The following PLEKHM3 variants were observed in gnomAD, a reference collection of about 807,000 sequenced individuals.
PLEKHM3 encodes the protein pleckstrin homology domain containing M3, also known as pleckstrin homology domain-containing family M member 3.
PLEKHM3 carries 45 observed loss-of-function variants against 81.8 expected under a neutral mutation model. The observed-to-expected ratio is 0.55, with a 90% CI of 0.43 to 0.71. PLEKHM3 has a LOEUF of 0.71. Among genes scored for constraint, PLEKHM3 ranks in the 30% least tolerant of loss-of-function variants. PLEKHM3 has a pLI of 0.00. For synonymous variants in PLEKHM3, 352 were observed against 356.4 expected (o/e 0.99, Z 0.14); for missense variants, 788 against 924.3 (o/e 0.85, Z 1.91).
chr2:207,838,454 G>T (rs1226917912), intron 7 of PLEKHM3, among the ~76,000 whole-genome samples: 1 of 152,210 alleles, frequency 6.6e-6, no homozygotes, highest in African/African-American at 2.4e-5. Context: ...CTTTAAAATA[G>T]AATGTAAATA....
At chr2:207,893,504 T>C (rs1688128067) in intron 6 of PLEKHM3, among the ~76,000 whole-genome samples, 1 of 152,220 alleles carries the variant, frequency 6.6e-6, no homozygotes, top group Non-Finnish European at 1.5e-5. Context: ...AGTTGGGTTT[T>C]TTAACCATAA....
chr2:207,950,468 G>A (rs535413673), intron 3 of PLEKHM3, among the ~76,000 whole-genome samples: 4 of 152,318 alleles, frequency 2.6e-5, no homozygotes, highest in South Asian at 4.1e-4. Context: ...TTCTGCAGAC[G>A]TTTGTGAGAA....
intron 6 of PLEKHM3, among the ~76,000 whole-genome samples, chr2:207,872,445 G>A (rs192615237): frequency 6.6e-6 from 1 of 152,200 alleles, no homozygotes; most frequent in Non-Finnish European, 1.5e-5. Context: ...TTCTGAATAT[G>A]AAGATGATCT....
Position 207,882,568 on chromosome 2 carries a change from C to T in PLEKHM3, c.1951-21306G>A, listed in dbSNP as rs147734069. On this transcript the variant is annotated intron_variant, in intron 6 of 7. Coordinates refer to ENST00000427836, the MANE Select transcript of PLEKHM3 (RefSeq NM_001080475.3). ...CAGAGGTTGCAGTGAGCCCAGATCG[C>T]GTCATTGCACTCCAGCCTGGGCGAC... Among the ~76,000 whole-genome samples, 252 of 132,808 alleles carry T rather than the reference C, an allele frequency of 1.9e-3. 10 individuals are homozygous for T. In the East Asian group the frequency reaches 0.051, roughly 27 times the overall value. 87.1% of individuals were successfully genotyped at this position (132,808 alleles called of 152,430 possible). A position where few individuals can be genotyped will look rare whatever the true frequency, so the allele number is the denominator to read the frequency against.
chr2:207,948,598 C>G (rs184370722), intron 3 of PLEKHM3, among the ~76,000 whole-genome samples: 2 of 146,426 alleles, frequency 1.4e-5, no homozygotes, highest in East Asian at 4.0e-4. Context: ...GGCTGGAGTG[C>G]GGTGGCGCGA....
chr2:207,946,461 T>C lies in PLEKHM3; in HGVS notation c.1598A>G (p.Tyr533Cys), dbSNP rs2105968944. 1 of 1,614,130 alleles carries C rather than the reference T, an allele frequency of 6.2e-7. No homozygotes were observed. Among genetic ancestry groups the C allele is most frequent in the South Asian group, 1.1e-5 (1 of 91,068 alleles). ...LSNGKAKVCN[Y>C]SGWYYCSSCH... is the part of the protein sequence containing the mutation. ...GCTACTGCAGTAATACCACCCACTG[T>C]AGTTGCACACCTTGGCTTTCCCATT... The change falls in exon 4 of 8, where the codon TAC (tyrosine) becomes TGC (cysteine). Residue 533 changes from tyrosine to cysteine, a missense_variant. Physicochemically the swap from Tyr to Cys is radical, Grantham distance 194 (BLOSUM62 -2). Coordinates refer to ENST00000427836, the MANE Select transcript of PLEKHM3 (RefSeq NM_001080475.3).
intron 7 of PLEKHM3, among the ~76,000 whole-genome samples, chr2:207,830,827 G>C (rs2092283157): frequency 6.6e-6 from 1 of 152,192 alleles, no homozygotes; most frequent in Admixed American, 6.5e-5. Flanking sequence ...GGCCTCTCCA[G>C]AAACCAACCC....
chr2:207,834,266 G>T (rs1349962948), intron 7 of PLEKHM3, among the ~76,000 whole-genome samples: 1 of 151,862 alleles, frequency 6.6e-6, no homozygotes, highest in Admixed American at 6.6e-5. Flanking sequence ...AAGTAGCTGG[G>T]ATTACAGGCA....
chr2:208,007,597 C>T (rs1267366404), intron 1 of PLEKHM3, among the ~76,000 whole-genome samples: 2 of 152,098 alleles, frequency 1.3e-5, no homozygotes, highest in South Asian at 4.1e-4. Flanking sequence ...AAGACTATTG[C>T]CACATACATA....
At chr2:207,867,717 A>T (rs1015457756) in intron 6 of PLEKHM3, among the ~76,000 whole-genome samples, 2 of 152,116 alleles carry the variant, frequency 1.3e-5, no homozygotes, top group African/African-American at 4.8e-5. Context: ...ATATACATTT[A>T]TGTTTATAAA....
At chr2:207,834,274 G>C (rs2105882290) in intron 7 of PLEKHM3, among the ~76,000 whole-genome samples, 1 of 151,832 alleles carries the variant, frequency 6.6e-6, no homozygotes, top group South Asian at 2.1e-4. Flanking sequence ...GGGATTACAG[G>C]CATGCACCAC....
chr2:207,955,368 T>C (rs1302612191), intron 3 of PLEKHM3, among the ~76,000 whole-genome samples: 1 of 152,194 alleles, frequency 6.6e-6, no homozygotes, highest in Non-Finnish European at 1.5e-5. Context: ...TTCTATGTTC[T>C]TTCCCCAAAG....
chr2:207,885,580 G>A (rs970502860), intron 6 of PLEKHM3, among the ~76,000 whole-genome samples: 7 of 152,104 alleles, frequency 4.6e-5, no homozygotes, highest in African/African-American at 1.7e-4. Context: ...CTACTCCCCT[G>A]AATCCCAGTA....
rs756408624 is a variant in PLEKHM3 at position 207,977,322 on chromosome 2, G to A, written c.875C>T (p.Ser292Leu). The A allele has an allele frequency of 3.5e-5, 57 of 1,614,062 alleles. No individual in the cohort carries two copies. The East Asian group carries it at 1.0e-3, about 29-fold the overall frequency. The change falls in exon 3 of 8, where the codon TCA becomes TTA. Residue 292 changes from serine (S) to leucine (L), a missense_variant. By Grantham distance (145) the Ser-to-Leu change is moderately radical (BLOSUM62 -2). Coordinates refer to ENST00000427836, the MANE Select transcript of PLEKHM3 (RefSeq NM_001080475.3). The part of the protein sequence containing the change: ...DNTQLQLKAE[S>L]PWEALDWGQK... Reference sequence around the variant, plus strand: ...TCCCCAGTCCAAAGCCTCCCATGGTGACTCTGCCTTTAGCTGTAGCTGAGT... The same window carrying A: ...TCCCCAGTCCAAAGCCTCCCATGGTAACTCTGCCTTTAGCTGTAGCTGAGT...
rs545736961 is a variant in PLEKHM3, at chr2:208,020,842, G to A, written c.-319+4547C>T. On this transcript the variant is annotated intron_variant, in intron 1 of 7. Coordinates refer to ENST00000427836, the MANE Select transcript of PLEKHM3 (RefSeq NM_001080475.3). ...TCTCTGTACTTTTCTAGGGGTGTTG[G>A]AGGAGAGGGTGAGGTGAAATAGGAT... 2.0e-5 allele frequency among the ~76,000 whole-genome samples: 3 copies of A among 152,330 alleles called. No homozygotes were observed. In the Middle Eastern group the frequency reaches 0.01, roughly 518 times the overall value.
chr2:207,976,504 A>T lies in PLEKHM3; in HGVS notation c.1546+147T>A. 1 of 752,044 alleles carries T rather than the reference A, an allele frequency of 1.3e-6. No individual in the cohort carries two copies. The highest frequency in any genetic ancestry group is 2.1e-6 in the Non-Finnish European group (1 of 475,962). 46.6% of individuals were successfully genotyped at this position (752,044 alleles called of 1,614,324 possible). A position where few individuals can be genotyped will look rare whatever the true frequency, so the allele number is the denominator to read the frequency against. On this transcript the variant is annotated intron_variant, in intron 3 of 7. Transcript: ENST00000427836. The surrounding 1 kb of genome is among the most constrained non-coding windows in gnomAD (Gnocchi z 4.1). ...ATAGTAATTTAATATAGGATGTTTT[A>T]ATACAGTAAGCTTCTCGAGGAGAGA...
intron 6 of PLEKHM3, among the ~76,000 whole-genome samples, chr2:207,890,640 A>G (rs1212753300): frequency 6.6e-6 from 1 of 152,222 alleles, no homozygotes; most frequent in Non-Finnish European, 1.5e-5. Flanking sequence ...AATATAAAAA[A>G]ACAAAAAAGC....
Position 207,930,971 on chromosome 2 carries a change from T to C in PLEKHM3, c.1841A>G (p.Tyr614Cys), listed in dbSNP as rs749623733. The C allele has an allele frequency of 1.9e-6, 3 of 1,613,586 alleles. No individual in the cohort carries two copies. Among genetic ancestry groups the C allele is most frequent in the East Asian group, 2.2e-5 (1 of 44,860 alleles). ...CACCGCTGCCCGGCAGCTGAACAAA[T>C]AGGCTCGGAGCGACTTCAGCCGCTG... is the stretch of plus-strand genomic sequence containing the variant. ...LRQRLKSLRA[Y>C]LFSCRAAVAE... The change falls in exon 5 of 8, where the codon TAT becomes TGT. Residue 614 changes from tyrosine (Y) to cysteine (C), a missense_variant. Coordinates refer to ENST00000427836, the MANE Select transcript of PLEKHM3 (RefSeq NM_001080475.3).
chr2:207,921,127 C>T lies in PLEKHM3; in HGVS notation c.1886+9799G>A, dbSNP rs140030335. Among the ~76,000 whole-genome samples, 575 of 152,266 alleles carry T rather than the reference C, an allele frequency of 3.8e-3. 3 individuals carry two copies. The highest frequency in any genetic ancestry group is 0.014 in the Middle Eastern group (4 of 294). ...GCAGTGGCACTATCTTGGCTCACTGCAAGTTCCGCCTCCTGGGTTCAAGTG... is the reference window on the plus strand; with the variant it reads ...GCAGTGGCACTATCTTGGCTCACTGTAAGTTCCGCCTCCTGGGTTCAAGTG... On this transcript the variant is annotated intron_variant, in intron 5 of 7. Coordinates refer to ENST00000427836, the MANE Select transcript of PLEKHM3 (RefSeq NM_001080475.3).
Sources: gnomAD v4.1 joint callset for allele counts (sites outside exome capture counted in the v4.1 genomes callset) on GRCh38, gnomAD v4.1.1 for gene constraint, Gnocchi (gnomAD v3.1) non-coding constraint, MANE v1.5 for transcripts, NCBI Gene and HGNC (gene_info 2026-07-23, HGNC 2026-07-21) for gene names.